Variants in HS2ST1 observed in about 807,000 individuals in gnomAD.
The protein encoded by HS2ST1 is 2-O-sulfotransferase.
Under a neutral mutation model 42.9 loss-of-function variants are expected in HS2ST1, and 18 were observed. That is an observed-to-expected ratio of 0.42 (90% confidence interval 0.29 to 0.62). The LOEUF (loss-of-function observed/expected upper bound fraction) is 0.62. HS2ST1 is among the 20% of genes least tolerant of loss of function. The probability of loss-of-function intolerance (pLI) is 0.21; values close to 1 mark genes in which losing one functional copy is unlikely to be tolerated. For synonymous variants in HS2ST1, 146 were observed against 152.9 expected (o/e 0.95, Z 0.33); for missense variants, 334 against 433.8 (o/e 0.77, Z 2.04).
intron 1 of HS2ST1, among the ~76,000 whole-genome samples, chr1:86,929,633 T>C (rs1452391736): frequency 2.6e-5 from 4 of 151,832 alleles, no homozygotes; most frequent in Non-Finnish European, 4.4e-5. Flanking sequence ...CATGTGTATA[T>C]GTATGTGTTT....
In HS2ST1 at chr1:87,106,914, A is replaced by G. The variant is rs1303909620; in HGVS notation, c.*2218A>G. The G allele has an allele frequency of 6.6e-6, 1 of 152,092 alleles. No individual in the cohort carries two copies. The highest frequency in any genetic ancestry group is 1.5e-5 in the Non-Finnish European group (1 of 67,940). The allele number at this position is 152,092 out of a possible 1,614,324, so 9.4% of individuals were successfully genotyped here. A position where few individuals can be genotyped will look rare whatever the true frequency, so the allele number is the denominator to read the frequency against. ...GCAGTACTTGGTGAACTAGATCAGG[A>G]GGTCAGTAAACTTTCTGTGGAAGGG... On this transcript the variant is annotated 3_prime_UTR_variant, in exon 7 of 7. Transcript: ENST00000370550.
At chr1:87,101,394 G>A (rs1414915076) in intron 5 of HS2ST1, among the ~76,000 whole-genome samples, 1 of 151,848 alleles carries the variant, frequency 6.6e-6, no homozygotes, top group Non-Finnish European at 1.5e-5. Flanking sequence ...TCGAACTCCA[G>A]ACCTCAGGTA....
At chr1:87,057,179 A>G (rs1650991254) in intron 1 of HS2ST1, among the ~76,000 whole-genome samples, 1 of 152,212 alleles carries the variant, frequency 6.6e-6, no homozygotes, top group African/African-American at 2.4e-5. Flanking sequence ...CTGACATGTC[A>G]TATTGTTATT....
At chr1:87,055,747 A>G (rs1650952415) in intron 1 of HS2ST1, among the ~76,000 whole-genome samples, 2 of 152,178 alleles carry the variant, frequency 1.3e-5, no homozygotes. Flanking sequence ...ATTTGTCCTT[A>G]TGGTAAAAAG....
intron 4 of HS2ST1, among the ~76,000 whole-genome samples, chr1:87,096,126 A>G (rs1340808893): frequency 1.3e-5 from 2 of 152,138 alleles, no homozygotes; most frequent in Non-Finnish European, 2.9e-5. Context: ...ATATAATTAG[A>G]AAAGAGAGGA....
At chr1:86,996,848 C>A (rs1649116578) in intron 1 of HS2ST1, among the ~76,000 whole-genome samples, 1 of 152,088 alleles carries the variant, frequency 6.6e-6, no homozygotes. Context: ...GAAAAGGAAC[C>A]AGACAAAACT....
At chr1:86,958,687 A>G (rs966357586) in intron 1 of HS2ST1, among the ~76,000 whole-genome samples, 11 of 152,222 alleles carry the variant, frequency 7.2e-5, no homozygotes, top group Non-Finnish European at 1.3e-4. Flanking sequence ...AGTTCTCTAC[A>G]GTCTCTTCCA....
intron 2 of HS2ST1, among the ~76,000 whole-genome samples, chr1:87,073,574 A>G (rs1651471101): frequency 6.6e-6 from 1 of 152,164 alleles, no homozygotes; most frequent in South Asian, 2.1e-4. Flanking sequence ...CTAGATAGAG[A>G]TAGAGATAGA....
intron 1 of HS2ST1, among the ~76,000 whole-genome samples, chr1:87,001,706 C>T (rs1280337540): frequency 1.3e-5 from 2 of 152,174 alleles, no homozygotes; most frequent in East Asian, 1.9e-4. Context: ...CTCCGCCTCT[C>T]GGGTTCAAGT....
intron 4 of HS2ST1, among the ~76,000 whole-genome samples, chr1:87,095,758 T>G (rs1652045871): frequency 6.6e-6 from 1 of 152,100 alleles, no homozygotes; most frequent in Non-Finnish European, 1.5e-5. Flanking sequence ...TTGGGTTATA[T>G]CTATTGATAT....
chr1:87,084,922 G>A (rs1343303769), intron 3 of HS2ST1, among the ~76,000 whole-genome samples: 1 of 151,974 alleles, frequency 6.6e-6, no homozygotes, highest in Non-Finnish European at 1.5e-5. Context: ...TGGGATTATA[G>A]GCATGAGCCA....
intron 4 of HS2ST1, among the ~76,000 whole-genome samples, chr1:87,097,293 TAGATAA>T (rs1652090194): frequency 1.3e-5 from 2 of 152,336 alleles, no homozygotes; most frequent in Non-Finnish European, 2.9e-5. Context: ...ACAAGTTATG[TAGATAA>T]AGATATAGAC....
In HS2ST1 at chr1:86,990,826, ATATATATATATTTTT is replaced by A. The variant is rs1298143774; in HGVS notation, c.124+75668_124+75682del. On this transcript the variant is annotated intron_variant, in intron 1 of 6. Transcript: ENST00000370550. ...CCTGGCTAATTTTATATATATATAT[ATATATATATATTTTT>A]TTTTTTTTTTTTTTTTTTAGTAGAG... Among the ~76,000 whole-genome samples, 12 of 17,306 alleles carry A rather than the reference ATATATATATATTTTT, an allele frequency of 6.9e-4. No individual in the cohort carries two copies. In the Admixed American group the frequency reaches 0.011, roughly 16 times the overall value. The allele number at this position is 17,306 out of a possible 152,430, so 11.4% of individuals were successfully genotyped here. A position where few individuals can be genotyped will look rare whatever the true frequency, so the allele number is the denominator to read the frequency against.
At chr1:86,979,010 C>T (rs188006664) in intron 1 of HS2ST1, among the ~76,000 whole-genome samples, 64 of 151,692 alleles carry the variant, frequency 4.2e-4, no homozygotes, top group Admixed American at 1.2e-3. Flanking sequence ...TACAGGCACG[C>T]GCCACCACAC....
chr1:87,020,834 G>C (rs1488426102), intron 1 of HS2ST1, among the ~76,000 whole-genome samples: 2 of 152,108 alleles, frequency 1.3e-5, no homozygotes, highest in Admixed American at 6.6e-5. Flanking sequence ...AGGTACTGGG[G>C]GTTAAGACTT....
chr1:86,953,493 A>C (rs532860675), intron 1 of HS2ST1, among the ~76,000 whole-genome samples: 3 of 152,352 alleles, frequency 2.0e-5, no homozygotes, highest in African/African-American at 7.2e-5. Flanking sequence ...GTAATGGCTC[A>C]TGCCTGTAAT....
intron 1 of HS2ST1, among the ~76,000 whole-genome samples, chr1:87,012,361 T>A (rs888243815): frequency 2.0e-5 from 3 of 152,066 alleles, no homozygotes; most frequent in Non-Finnish European, 4.4e-5. Flanking sequence ...ACGTCTTACA[T>A]GGTAGCAAGC....
intron 1 of HS2ST1, among the ~76,000 whole-genome samples, chr1:87,071,406 G>A (rs1265747828): frequency 6.6e-6 from 1 of 152,176 alleles, no homozygotes; most frequent in Non-Finnish European, 1.5e-5. Context: ...AATATAGTGA[G>A]ACATGTAGTA....
At chr1:87,101,190 C>G (rs1652196234) in intron 5 of HS2ST1, among the ~76,000 whole-genome samples, 1 of 73,930 alleles carries the variant, frequency 1.4e-5, no homozygotes, top group Non-Finnish European at 2.5e-5. Flanking sequence ...TTTTTTGAGG[C>G]AGTCTCACTC....
Sources: gnomAD v4.1 joint callset for allele counts (sites outside exome capture counted in the v4.1 genomes callset) on GRCh38, gnomAD v4.1.1 for gene constraint, MANE v1.5 for transcripts, NCBI Gene and HGNC (gene_info 2026-07-23, HGNC 2026-07-21) for gene names.